Variants in GABRB3 observed in about 807,000 individuals in gnomAD.
GABRB3 encodes the protein gamma-aminobutyric acid type A receptor subunit beta3.
In GABRB3, 14 loss-of-function variants were observed where a neutral mutation model predicts 52.1. The ratio of observed to expected loss-of-function variants is 0.27; its 90% confidence interval spans 0.18 to 0.42. The LOEUF (loss-of-function observed/expected upper bound fraction) is 0.42. GABRB3 is among the 10% of genes least tolerant of loss of function. The pLI is 1.00. For missense variants in GABRB3, 307 were observed against 609.1 expected (o/e 0.50, Z 5.22); for synonymous variants, 260 against 232.3 (o/e 1.12, Z -1.08).
chr15:26,700,634 A>C (rs1888897866), intron 3 of GABRB3, among the ~76,000 whole-genome samples: 1 of 152,272 alleles, frequency 6.6e-6, no homozygotes, highest in Non-Finnish European at 1.5e-5. Context: ...CAAGTTTCCA[A>C]CAATTCAAGG....
rs1892463658 is a variant in GABRB3, at chr15:26,621,036, C to T, written c.461+278G>A. Among the ~76,000 whole-genome samples, 1 of 152,112 alleles carries T rather than the reference C, an allele frequency of 6.6e-6. No homozygotes were observed. Among genetic ancestry groups the T allele is most frequent in the Non-Finnish European group, 1.5e-5 (1 of 68,028 alleles). On this transcript the variant is annotated intron_variant, in intron 4 of 8. Coordinates refer to ENST00000311550, the MANE Select transcript of GABRB3 (RefSeq NM_000814.6). This position sits in a 1 kb window ranked among gnomAD's most constrained non-coding sequence, Gnocchi z 4.1. ...CTCTGTGGCTATGATATGGAAAATC[C>T]ATCCTGAGGGAATCTGTGTTCTTAG...
rs1348288306 is a variant in GABRB3 at position 26,554,207 on chromosome 15, A to ATATATATATATATATATATTTATT, written c.1081-6074_1081-6073insAATAAATATATATATATATATATA. On this transcript the variant is annotated intron_variant, in intron 8 of 8. Coordinates refer to ENST00000311550, the MANE Select transcript of GABRB3 (RefSeq NM_000814.6). ...ATATATATACTATATATATATATAT[A>ATATATATATATATATATATTTATT]TAGTAGAAACAAGGTCTCTCTTTGT... Among the ~76,000 whole-genome samples the ATATATATATATATATATATTTATT allele has an allele frequency of 1.2e-3, 68 of 57,814 alleles. 5 individuals are homozygous for ATATATATATATATATATATTTATT. The highest frequency in any genetic ancestry group is 3.1e-3 in the South Asian group (5 of 1,612). The allele number at this position is 57,814 out of a possible 152,430, so 37.9% of individuals were successfully genotyped here.
chr15:26,669,319 C>A (rs1312965824), intron 3 of GABRB3, among the ~76,000 whole-genome samples: 1 of 152,154 alleles, frequency 6.6e-6, no homozygotes, highest in East Asian at 1.9e-4. Context: ...GCTGCATGTT[C>A]GCTAAGTGTG....
intron 7 of GABRB3, among the ~76,000 whole-genome samples, chr15:26,563,135 G>A (rs1278324122): frequency 6.6e-6 from 1 of 152,138 alleles, no homozygotes; most frequent in Non-Finnish European, 1.5e-5. Context: ...CTTTAGTCAC[G>A]ACTTTGCCTC....
chr15:26,749,871 CGCA>C (rs989273141), intron 3 of GABRB3: 84 of 152,272 alleles, frequency 5.5e-4, no homozygotes, highest in African/African-American at 1.9e-3. Context: ...AGGAACTCAA[CGCA>C]GCATCATTCC....
chr15:26,547,670 G>A lies in GABRB3; in HGVS notation c.*123C>T. On this transcript the variant is annotated 3_prime_UTR_variant, in exon 9 of 9. Coordinates refer to ENST00000311550, the MANE Select transcript of GABRB3 (RefSeq NM_000814.6). Reference sequence around the variant, plus strand: ...AGAAAGTTCACATATATATACAATTGCGTATGTATATATGTGTGTGTCTGC... The same window carrying A: ...AGAAAGTTCACATATATATACAATTACGTATGTATATATGTGTGTGTCTGC... The A allele has an allele frequency of 1.4e-6, 1 of 718,718 alleles. No homozygotes were observed. The highest frequency in any genetic ancestry group is 2.4e-6 in the Non-Finnish European group (1 of 410,542). The allele number at this position is 718,718 out of a possible 1,614,324, so 44.5% of individuals were successfully genotyped here. A position where few individuals can be genotyped will look rare whatever the true frequency, so the allele number is the denominator to read the frequency against.
intron 3 of GABRB3, among the ~76,000 whole-genome samples, chr15:26,670,782 G>A: frequency 6.6e-6 from 1 of 152,080 alleles, no homozygotes; most frequent in East Asian, 1.9e-4. Context: ...TTTAAAACTC[G>A]CTTTTCCTAT....
chr15:26,724,491 T>G (rs1324475607), intron 3 of GABRB3, among the ~76,000 whole-genome samples: 3 of 152,164 alleles, frequency 2.0e-5, no homozygotes. Flanking sequence ...ACCAACTGTC[T>G]GAGGCTGCCT....
intron 3 of GABRB3, among the ~76,000 whole-genome samples, chr15:26,669,104 ATCTG>A (rs968661497): frequency 2.6e-5 from 4 of 152,066 alleles, no homozygotes; most frequent in Non-Finnish European, 5.9e-5. Context: ...CACTCCGTCT[ATCTG>A]TCTGTTTCCC....
chr15:26,563,335 T>C (rs1384100307), intron 7 of GABRB3, among the ~76,000 whole-genome samples: 1 of 152,242 alleles, frequency 6.6e-6, no homozygotes, highest in African/African-American at 2.4e-5. Context: ...CAGGAATCCC[T>C]AACAATAAGA....
At chr15:26,567,915 C>A (rs1337451958) in intron 6 of GABRB3, among the ~76,000 whole-genome samples, 182 bp from the exon 7 acceptor site, 1 of 152,126 alleles carries the variant, frequency 6.6e-6, no homozygotes, top group Admixed American at 6.5e-5. Context: ...GAGGGGGGTG[C>A]TTTTCGGTCT....
intron 3 of GABRB3, among the ~76,000 whole-genome samples, chr15:26,713,725 C>T (rs1189427436): frequency 1.3e-5 from 2 of 152,206 alleles, no homozygotes; most frequent in Admixed American, 6.5e-5. Flanking sequence ...GCATGCTCCC[C>T]GTTTCCATCT....
intron 3 of GABRB3, among the ~76,000 whole-genome samples, chr15:26,761,432 T>A (rs1031848049): frequency 4.6e-5 from 7 of 152,084 alleles, no homozygotes; most frequent in African/African-American, 1.2e-4. Context: ...AGAGAAATTT[T>A]AGGGATGACT....
chr15:26,668,604 T>C (rs1006521038), intron 3 of GABRB3, among the ~76,000 whole-genome samples: 1 of 152,234 alleles, frequency 6.6e-6, no homozygotes, highest in Non-Finnish European at 1.5e-5. Flanking sequence ...CTCCCTCTTT[T>C]CTATCTTTTC....
chr15:26,709,238 G>C (rs1482916355), intron 3 of GABRB3, among the ~76,000 whole-genome samples: 1 of 152,162 alleles, frequency 6.6e-6, no homozygotes, highest in African/African-American at 2.4e-5. Flanking sequence ...GAGCTGTCTG[G>C]GTCATGCGGG....
chr15:26,761,656 C>T (rs1333789667), intron 3 of GABRB3, among the ~76,000 whole-genome samples: 2 of 152,028 alleles, frequency 1.3e-5, no homozygotes, highest in African/African-American at 4.8e-5. Flanking sequence ...AGTGTCTGAG[C>T]ACTGCCTGTT....
chr15:26,611,491 T>C (rs981700167), intron 4 of GABRB3, among the ~76,000 whole-genome samples: 1 of 152,180 alleles, frequency 6.6e-6, no homozygotes, highest in African/African-American at 2.4e-5. Context: ...CCAAAGAAGA[T>C]GTGTACTTAT....
chr15:26,724,834 G>C (rs777383255), intron 3 of GABRB3, among the ~76,000 whole-genome samples: 3 of 151,806 alleles, frequency 2.0e-5, no homozygotes, highest in Non-Finnish European at 4.4e-5. Flanking sequence ...TGTTCCCTTT[G>C]CCCCCCCTCA....
chr15:26,713,151 G>A (rs775367277), intron 3 of GABRB3, among the ~76,000 whole-genome samples: 1 of 152,186 alleles, frequency 6.6e-6, no homozygotes, highest in Non-Finnish European at 1.5e-5. Flanking sequence ...CCTGACTCTG[G>A]TTTGGGCAAC....
Sources: gnomAD v4.1 joint callset for allele counts (sites outside exome capture counted in the v4.1 genomes callset) on GRCh38, gnomAD v4.1.1 for gene constraint, Gnocchi (gnomAD v3.1) non-coding constraint, MANE v1.5 for transcripts, NCBI Gene and HGNC (gene_info 2026-07-23, HGNC 2026-07-21) for gene names.